PLEKHG4: variants seen among roughly 807,000 people sequenced by gnomAD.
PLEKHG4 encodes pleckstrin homology and RhoGEF domain containing G4.
Under a neutral mutation model 136.9 loss-of-function variants are expected in PLEKHG4, and 85 were observed. The observed-to-expected ratio is 0.62, with a 90% CI of 0.52 to 0.74. The LOEUF (loss-of-function observed/expected upper bound fraction) is 0.74, where lower values mean the gene tolerates loss of function less well. Among genes scored for constraint, PLEKHG4 ranks in the 30% least tolerant of loss-of-function variants. The pLI, the probability that PLEKHG4 is intolerant of heterozygous loss-of-function variation, is 0.00. For missense variants in PLEKHG4, 1,317 were observed against 1,527.8 expected (o/e 0.86, Z 2.30); for synonymous variants, 577 against 646.9 (o/e 0.89, Z 1.64).
chr16:67,281,019 G>C lies in PLEKHG4; in HGVS notation c.719+14G>C. 1.9e-6 allele frequency: 3 copies of C among 1,614,090 alleles called. No homozygotes were observed. Among genetic ancestry groups the C allele is most frequent in the Non-Finnish European group, 2.5e-6 (3 of 1,180,026 alleles). ...AAGCATCCCCAGGTTTGAGGGAGGGGGTTGGGAGACTGAGCCTGAGCCAGC... is the reference window on the plus strand; with the variant it reads ...AAGCATCCCCAGGTTTGAGGGAGGGCGTTGGGAGACTGAGCCTGAGCCAGC... On this transcript the variant is annotated intron_variant, in intron 4 of 21. Transcript: ENST00000379344.
chr16:67,285,671 G>C, intron 14 of PLEKHG4, 135 bp downstream of exon 14: 1 of 991,450 alleles, frequency 1.0e-6, no homozygotes, highest in South Asian at 1.3e-5. Context: ...GCACCTGAGG[G>C]TGCTCTTAGT....
At chr16:67,282,428 C>G in intron 9 of PLEKHG4, 75 bp from the exon 10 acceptor site, 1 of 1,613,212 alleles carries the variant, frequency 6.2e-7, no homozygotes, top group Non-Finnish European at 8.5e-7. Context: ...AGCTCAGAAC[C>G]TGGTAGGACT....
Position 67,282,636 on chromosome 16 carries a change from C to T in PLEKHG4, c.1387C>T (p.His463Tyr), listed in dbSNP as rs371364871. 56 of 1,613,774 alleles carry T rather than the reference C, an allele frequency of 3.5e-5. No individual in the cohort carries two copies. In the African/African-American group the frequency reaches 4.8e-4, roughly 14 times the overall value. Reference sequence around the variant, plus strand: ...ACTGGAGGCCCGGGAAAGCGGACTGCACCAGGTCGGAACTACTTGCCCAGA... The same window carrying T: ...ACTGGAGGCCCGGGAAAGCGGACTGTACCAGGTCGGAACTACTTGCCCAGA... ...QTLEARESGL[H>Y]QIEVWLQQVG... Residue 463 changes from histidine (H) to tyrosine (Y), a missense_variant, in exon 10 of 22, where the codon CAC becomes TAC. Coordinates refer to ENST00000379344, the MANE Select transcript of PLEKHG4 (RefSeq NM_001129729.3).
In PLEKHG4 at chr16:67,281,085, C is replaced by T; in HGVS notation, c.720-6C>T. 1 of 1,614,090 alleles carries T rather than the reference C, an allele frequency of 6.2e-7. No homozygotes were observed. Among genetic ancestry groups the T allele is most frequent in the Non-Finnish European group, 8.5e-7 (1 of 1,179,960 alleles). ...TCAGGTACTGAACTGAAGCTCACCC[C>T]TTTAGGCCCGAAGTACAGGCACTGG... is the stretch of plus-strand genomic sequence containing the variant. On this transcript the variant is annotated splice_polypyrimidine_tract_variant and splice_region_variant and intron_variant, in intron 4 of 21. Transcript: ENST00000379344.
At chr16:67,279,414 C>T (rs1242468511), upstream of PLEKHG4, 1 of 151,796 alleles carries the variant, frequency 6.6e-6, no homozygotes, top group African/African-American at 2.4e-5. Flanking sequence ...AGGGCTGTGC[C>T]CCGTCGAGAC....
Position 67,284,543 on chromosome 16 carries a change from G to A in PLEKHG4, c.1692+86G>A. On this transcript the variant is annotated intron_variant, in intron 12 of 21. Coordinates refer to ENST00000379344, the MANE Select transcript of PLEKHG4 (RefSeq NM_001129729.3). The surrounding 1 kb of genome is among the most constrained non-coding windows in gnomAD (Gnocchi z 4.4). The stretch of plus-strand genomic sequence containing the variant: ...CTTCAGCAGAGCCTGAGCTTTTCTT[G>A]GTCATGCTGCCTGTTCTCTTCCCTG... 2 of 1,514,302 alleles carry A rather than the reference G, an allele frequency of 1.3e-6. No individual in the cohort carries two copies. The highest frequency in any genetic ancestry group is 1.1e-5 in the South Asian group (1 of 87,066). 93.8% of individuals were successfully genotyped at this position (1,514,302 alleles called of 1,614,324 possible). A position where few individuals can be genotyped will look rare whatever the true frequency, so the allele number is the denominator to read the frequency against.
chr16:67,285,390 G>A lies in PLEKHG4; in HGVS notation c.2296G>A (p.Asp766Asn), dbSNP rs760209877. The A allele has an allele frequency of 3.0e-5, 48 of 1,614,102 alleles. No homozygotes were observed. Among genetic ancestry groups the A allele is most frequent in the African/African-American group, 5.3e-5 (4 of 74,938 alleles). Residue 766 changes from aspartate to asparagine, a missense_variant, in exon 14 of 22, where the codon GAT (aspartate) becomes AAT (asparagine). Coordinates refer to ENST00000379344, the MANE Select transcript of PLEKHG4 (RefSeq NM_001129729.3). ...ENYFPELDRP[D>N]VPQGLRGQRA... ...CTATTTCCCCGAGCTGGATCGCCCCGATGTGCCCCAGGGCCTCCGCGGTCA... is the reference window on the plus strand; with the variant it reads ...CTATTTCCCCGAGCTGGATCGCCCCAATGTGCCCCAGGGCCTCCGCGGTCA...
rs749923334 is a variant in PLEKHG4, at chr16:67,281,582, G to A, written c.829G>A (p.Ala277Thr). 1.9e-6 allele frequency: 3 copies of A among 1,613,694 alleles called. No individual in the cohort carries two copies. The South Asian group carries it at 3.3e-5, about 18-fold the overall frequency. ...LSQLQEAAPG[A>T]VYQVLLVGST... ...TTCCTTGCAGGAAGCAGCCCCAGGGGCCGTGTACCAGGTGCTGCTAGTGGG... is the reference window on the plus strand; with the variant it reads ...TTCCTTGCAGGAAGCAGCCCCAGGGACCGTGTACCAGGTGCTGCTAGTGGG... Residue 277 changes from alanine to threonine, a missense_variant, in exon 6 of 22, where the codon GCC becomes ACC. Transcript: ENST00000379344.
Position 67,286,895 on chromosome 16 carries a change from A to G in PLEKHG4, c.2901A>G (p.Thr967=). 6.2e-7 allele frequency: 1 copy of G among 1,613,916 alleles called. No homozygotes were observed. Among genetic ancestry groups the G allele is most frequent in the Non-Finnish European group, 8.5e-7 (1 of 1,179,996 alleles). ...KPRHGPTGVD[T]FAYKRSFKMA... is the part of the protein sequence containing the mutation. ...GCCATGGGCCCACAGGGGTTGACAC[A>G]TTTGCCTACAAGCGCTCCTTCAAGG... Residue 967 remains threonine, a synonymous_variant, in exon 17 of 22, where the codon ACA becomes ACG. Coordinates refer to ENST00000379344, the MANE Select transcript of PLEKHG4 (RefSeq NM_001129729.3).
intron 11 of PLEKHG4, 109 bp downstream of exon 11, chr16:67,282,967 A>G: frequency 1.2e-6 from 1 of 812,570 alleles, no homozygotes; most frequent in Non-Finnish European, 2.1e-6. Flanking sequence ...TAGACCTTAT[A>G]GTCCCATAGA....
At chr16:67,281,307 T>C (rs1416966226) in intron 5 of PLEKHG4, 123 bp downstream of exon 5, 1 of 794,466 alleles carries the variant, frequency 1.3e-6, no homozygotes, top group Non-Finnish European at 2.1e-6. Context: ...CACTGCAAAC[T>C]CTATCTCCCC....
rs758737514 is a variant in PLEKHG4, at chr16:67,280,230, G to C, written c.186G>C (p.Gln62His). The change falls in exon 2 of 22, where the codon CAG becomes CAC. Residue 62 changes from glutamine (Q) to histidine (H), a missense_variant. Transcript: ENST00000379344. The surrounding 1 kb of genome is among the most constrained non-coding windows in gnomAD (Gnocchi z 4.4). ...GGGCCACCCAGGATGAGGAGCTACA[G>C]GGCAGCCCCTTGTCCAGGAAATTCC... The part of the protein sequence containing the change: ...PAGATQDEEL[Q>H]GSPLSRKFQL... 1.2e-6 allele frequency: 2 copies of C among 1,613,754 alleles called. No individual in the cohort carries two copies. Among genetic ancestry groups the C allele is most frequent in the South Asian group, 2.2e-5 (2 of 91,082 alleles).
At chr16:67,287,595 A>G (rs2036534557) in intron 18 of PLEKHG4, 2 of 507,160 alleles carry the variant, frequency 3.9e-6, no homozygotes, top group African/African-American at 1.9e-5. Context: ...GTCTCATTAT[A>G]TTGCCCAGAC....
chr16:67,282,724 C>T lies in PLEKHG4; in HGVS notation c.1393-18C>T, dbSNP rs1311000451. On this transcript the variant is annotated intron_variant, in intron 10 of 21. Transcript: ENST00000379344. ...CCATAGCAGCTCTCTTCACTTTTCC[C>T]TGCTTGTGCTCCTCCAGATTGAAGT... 3.1e-6 allele frequency: 5 copies of T among 1,613,360 alleles called. No individual in the cohort carries two copies. In the South Asian group the frequency reaches 3.3e-5, roughly 11 times the overall value.
upstream of PLEKHG4, chr16:67,278,069 T>C (rs1053776886): frequency 6.6e-6 from 1 of 151,798 alleles, no homozygotes; most frequent in Non-Finnish European, 1.5e-5. Flanking sequence ...TGGGTGCTGG[T>C]GGGCAGCAGA....
Position 67,287,948 on chromosome 16 carries a change from C to CG in PLEKHG4, c.3155dup (p.Asp1053ArgfsTer35). ...CATGGGTGTGGGGAACAAGGCCTTC[C>CG]GAGACATTGCTCCCAGCGAGGAAGC... On this transcript the variant is annotated frameshift_variant, in exon 19 of 22. Coordinates refer to ENST00000379344, the MANE Select transcript of PLEKHG4 (RefSeq NM_001129729.3). LOFTEE classifies it high-confidence loss of function. 6.2e-7 allele frequency: 1 copy of CG among 1,614,000 alleles called. No individual in the cohort carries two copies. The highest frequency in any genetic ancestry group is 1.3e-5 in the African/African-American group (1 of 75,024).
intron 7 of PLEKHG4, 76 bp downstream of exon 7, chr16:67,281,913 C>T: frequency 6.5e-7 from 1 of 1,546,284 alleles, no homozygotes; most frequent in Non-Finnish European, 8.9e-7. Flanking sequence ...CTGGGGCTGG[C>T]TTGAACCAGA....
chr16:67,285,392 T>C lies in PLEKHG4; in HGVS notation c.2298T>C (p.Asp766=), dbSNP rs1259005672. The C allele has an allele frequency of 1.2e-6, 2 of 1,614,230 alleles. No homozygotes were observed. Among genetic ancestry groups the C allele is most frequent in the Non-Finnish European group, 1.7e-6 (2 of 1,180,046 alleles). ...ATTTCCCCGAGCTGGATCGCCCCGATGTGCCCCAGGGCCTCCGCGGTCAGC... is the reference window on the plus strand; with the variant it reads ...ATTTCCCCGAGCTGGATCGCCCCGACGTGCCCCAGGGCCTCCGCGGTCAGC... The part of the protein sequence containing the change: ...ENYFPELDRP[D]VPQGLRGQRA... The change falls in exon 14 of 22, where the codon GAT becomes GAC. Residue 766 remains aspartate, a synonymous_variant. Transcript: ENST00000379344.
rs1350091384 is a variant in PLEKHG4, at chr16:67,286,440, C to A, written c.2533-5C>A. ...ACCACTCAGTGGCCTCCCATCCGCC[C>A]ACAGGACAAGCAGCAAGCACTGGGG... On this transcript the variant is annotated splice_region_variant and splice_polypyrimidine_tract_variant and intron_variant, in intron 15 of 21. Transcript: ENST00000379344. 1 of 1,612,790 alleles carries A rather than the reference C, an allele frequency of 6.2e-7. No homozygotes were observed. Among genetic ancestry groups the A allele is most frequent in the Non-Finnish European group, 8.5e-7 (1 of 1,179,346 alleles).
Sources: gnomAD v4.1 joint callset for allele counts on GRCh38, gnomAD v4.1.1 for gene constraint, Gnocchi (gnomAD v3.1) non-coding constraint, MANE v1.5 for transcripts, NCBI Gene and HGNC (gene_info 2026-07-23, HGNC 2026-07-21) for gene names.